The following OPCML variants were observed in gnomAD, a reference collection of about 807,000 sequenced individuals.
The protein encoded by OPCML is opioid binding protein/cell adhesion molecule like.
OPCML carries 13 observed loss-of-function variants against 37.8 expected under a neutral mutation model. That is an observed-to-expected ratio of 0.34 (90% CI 0.22 to 0.55). The LOEUF is 0.55. OPCML is among the 20% of genes least tolerant of loss of function. The pLI is 0.91. For synonymous variants in OPCML, 176 were observed against 168.8 expected, an observed-to-expected ratio of 1.04 and a Z score of -0.33; for missense variants, 341 against 435.6, an observed-to-expected ratio of 0.78 and a Z score of 1.93.
At chr11:132,610,723 C>A (rs1219180199) in intron 3 of OPCML, among the ~76,000 whole-genome samples, 2 of 152,150 alleles carry the variant, frequency 1.3e-5, no homozygotes, top group Non-Finnish European at 2.9e-5. Context: ...TGTCATTTTA[C>A]AAATGTTTAA....
chr11:132,904,262 G>A (rs1312593007), intron 2 of OPCML, among the ~76,000 whole-genome samples: 3 of 152,200 alleles, frequency 2.0e-5, no homozygotes, highest in African/African-American at 7.2e-5. Flanking sequence ...AGAGGAGAAT[G>A]CATTTCTATC....
chr11:132,447,464 A>ATTTTTT (rs537083917), intron 4 of OPCML, among the ~76,000 whole-genome samples: 4 of 142,616 alleles, frequency 2.8e-5, no homozygotes, highest in African/African-American at 2.6e-5. Context: ...TGCCCAGTTA[A>ATTTTTT]TTTTTTTTTT....
At chr11:133,191,598 A>G (rs1938323961) in intron 1 of OPCML, among the ~76,000 whole-genome samples, 1 of 151,108 alleles carries the variant, frequency 6.6e-6, no homozygotes, top group African/African-American at 2.4e-5. Context: ...GGTTCAAGCA[A>G]TCCTCCTGCC....
intron 1 of OPCML, among the ~76,000 whole-genome samples, chr11:133,052,741 T>G (rs760124022): frequency 6.6e-6 from 1 of 152,174 alleles, no homozygotes; most frequent in Non-Finnish European, 1.5e-5. Flanking sequence ...CCCAGCCACA[T>G]GAGACTTTGA....
At chr11:132,608,219 C>T (rs766729987) in intron 3 of OPCML, among the ~76,000 whole-genome samples, 7 of 152,150 alleles carry the variant, frequency 4.6e-5, no homozygotes, top group Non-Finnish European at 1.0e-4. Flanking sequence ...TCTCAGAAAG[C>T]ACATGCTCAA....
intron 2 of OPCML, among the ~76,000 whole-genome samples, chr11:132,690,356 T>G (rs902714519): frequency 3.9e-5 from 6 of 152,180 alleles, no homozygotes; most frequent in Non-Finnish European, 8.8e-5. Flanking sequence ...GGGCCAGAGT[T>G]AGAAAGTACA....
At chr11:132,805,613 C>A (rs182820253) in intron 2 of OPCML, among the ~76,000 whole-genome samples, 2 of 152,290 alleles carry the variant, frequency 1.3e-5, no homozygotes, top group Admixed American at 6.5e-5. Flanking sequence ...GACAGTGGAA[C>A]AACCTCTCCA....
intron 2 of OPCML, among the ~76,000 whole-genome samples, chr11:132,832,983 T>A (rs1439445549): frequency 6.6e-6 from 1 of 152,196 alleles, no homozygotes; most frequent in Non-Finnish European, 1.5e-5. Context: ...CTTGCAGGAC[T>A]GGAAGGTGCT....
chr11:132,943,121 C>A lies in OPCML; in HGVS notation c.62-111G>T. The A allele has an allele frequency of 6.2e-7, 1 of 1,613,860 alleles. No individual in the cohort carries two copies. The stretch of plus-strand genomic sequence containing the variant: ...CGACAGCCACAACTTCCCAGGACTC[C>A]GGCAGCCGCACAGTCCTGGTCCCCC... On this transcript the variant is annotated intron_variant, in intron 1 of 7. Coordinates refer to ENST00000524381, the MANE Select transcript of OPCML (RefSeq NM_001012393.5). This position sits in a 1 kb window ranked among gnomAD's most constrained non-coding sequence, Gnocchi z 4.3.
In OPCML at chr11:132,616,875, A is replaced by C. The variant is rs566878678; in HGVS notation, c.379+40212T>G. ...CTTGGAGGACACACTGGTTGTGTCA[A>C]CCTGAGCACCTAAGATGTGCAATGT... On this transcript the variant is annotated intron_variant, in intron 3 of 7. Coordinates refer to ENST00000524381, the MANE Select transcript of OPCML (RefSeq NM_001012393.5). Among the ~76,000 whole-genome samples the C allele has an allele frequency of 2.6e-5, 4 of 152,356 alleles. No individual in the cohort carries two copies. The East Asian group carries it at 5.8e-4, about 22-fold the overall frequency.
At chr11:132,664,920 C>A (rs574556707) in intron 2 of OPCML, among the ~76,000 whole-genome samples, 72 of 152,312 alleles carry the variant, frequency 4.7e-4, no homozygotes, top group Non-Finnish European at 8.5e-4. Flanking sequence ...ATAAGAGCTA[C>A]TTAAGGAGAG....
chr11:132,499,612 T>G (rs1244370361), intron 4 of OPCML, among the ~76,000 whole-genome samples: 1 of 152,248 alleles, frequency 6.6e-6, no homozygotes, highest in Non-Finnish European at 1.5e-5. Context: ...CTTGCATGCC[T>G]GGGATTGAAT....
chr11:133,259,614 A>G (rs559590841), intron 1 of OPCML, among the ~76,000 whole-genome samples: 1 of 152,348 alleles, frequency 6.6e-6, no homozygotes, highest in South Asian at 2.1e-4. Context: ...GGTAAGAACA[A>G]ATTAATTCCC....
At chr11:132,816,846 G>T (rs560158620) in intron 2 of OPCML, among the ~76,000 whole-genome samples, 1 of 152,290 alleles carries the variant, frequency 6.6e-6, no homozygotes, top group South Asian at 2.1e-4. Context: ...GAAGGGTATA[G>T]TCGACAAATA....
chr11:133,441,795 C>G (rs1946369662), intron 1 of OPCML, among the ~76,000 whole-genome samples: 1 of 152,010 alleles, frequency 6.6e-6, no homozygotes, highest in Non-Finnish European at 1.5e-5. Flanking sequence ...AAGATATTTT[C>G]AACATACAAA....
At chr11:132,623,449 A>G (rs1382479025) in intron 3 of OPCML, among the ~76,000 whole-genome samples, 2 of 152,264 alleles carry the variant, frequency 1.3e-5, no homozygotes, top group East Asian at 3.9e-4. Flanking sequence ...TTGTCCTATT[A>G]TATCTCTGAA....
intron 2 of OPCML, among the ~76,000 whole-genome samples, chr11:132,839,412 C>T (rs149114328): frequency 7.2e-5 from 11 of 152,230 alleles, no homozygotes; most frequent in Non-Finnish European, 1.5e-4. Context: ...AGGACAAACT[C>T]GCGACTCCTT....
At chr11:133,247,612 T>TTTC (rs1940985099) in intron 1 of OPCML, among the ~76,000 whole-genome samples, 2 of 104,424 alleles carry the variant, frequency 1.9e-5, no homozygotes, top group Non-Finnish European at 4.1e-5. Context: ...TCTTTCTTTC[T>TTTC]TTTTTTTTTG....
intron 1 of OPCML, among the ~76,000 whole-genome samples, chr11:133,142,396 A>T (rs1949836455): frequency 6.6e-6 from 1 of 152,186 alleles, no homozygotes. Context: ...GCTGTTTGAA[A>T]GTCTTCCCAG....
Sources: gnomAD v4.1 joint callset for allele counts (sites outside exome capture counted in the v4.1 genomes callset) on GRCh38, gnomAD v4.1.1 for gene constraint, Gnocchi (gnomAD v3.1) non-coding constraint, MANE v1.5 for transcripts, NCBI Gene and HGNC (gene_info 2026-07-23, HGNC 2026-07-21) for gene names.